The following LHFPL3 variants were observed in gnomAD, a reference collection of about 807,000 sequenced individuals.
LHFPL3 encodes the protein LHFPL tetraspan subfamily member 3 protein.
In LHFPL3, 5 loss-of-function variants were observed where a neutral mutation model predicts 19.3. The observed-to-expected ratio is 0.26, with a 90% CI of 0.14 to 0.54. The LOEUF is 0.54. Among genes scored for constraint, LHFPL3 ranks in the 20% least tolerant of loss-of-function variants. The pLI is 0.94. For synonymous variants in LHFPL3, 133 were observed against 126.2 expected, an observed-to-expected ratio of 1.05 and a Z score of -0.36; for missense variants, 249 against 307.4, an observed-to-expected ratio of 0.81 and a Z score of 1.42.
Position 104,668,678 on chromosome 7 carries a change from T to C in LHFPL3, c.446-67997T>C, listed in dbSNP as rs1016142237. On this transcript the variant is annotated intron_variant, in intron 1 of 2. Coordinates refer to ENST00000424859, the MANE Select transcript of LHFPL3 (RefSeq NM_199000.3). ...ATGATCGGTCGTGGAGCTCCAGAGATGATTACTCTCGGGATGATTATAGGC... is the reference window on the plus strand; with the variant it reads ...ATGATCGGTCGTGGAGCTCCAGAGACGATTACTCTCGGGATGATTATAGGC... The C allele has an allele frequency of 1.6e-5, 26 of 1,610,088 alleles. No individual in the cohort carries two copies. In the Middle Eastern group the frequency reaches 1.1e-3, roughly 69 times the overall value.
chr7:104,399,459 T>G lies in LHFPL3; in HGVS notation c.445+70235T>G, dbSNP rs1212370644. Among the ~76,000 whole-genome samples, 3 of 151,806 alleles carry G rather than the reference T, an allele frequency of 2.0e-5. No individual in the cohort carries two copies. Among genetic ancestry groups the G allele is most frequent in the Admixed American group, 6.6e-5 (1 of 15,224 alleles). On this transcript the variant is annotated intron_variant, in intron 1 of 2. Coordinates refer to ENST00000424859, the MANE Select transcript of LHFPL3 (RefSeq NM_199000.3). The surrounding 1 kb of genome is among the most constrained non-coding windows in gnomAD (Gnocchi z 4.4). ...TTTTTTTTGTTTTTTAGGTTTTTTT[T>G]GTTTGTTTGTTTGAGATGGAGTCTT...
At chr7:104,388,197 C>T (rs554775636) in intron 1 of LHFPL3, among the ~76,000 whole-genome samples, 31 of 152,166 alleles carry the variant, frequency 2.0e-4, no homozygotes, top group Admixed American at 5.9e-4. Flanking sequence ...TTGATAGGCA[C>T]CTAGATTGAT....
chr7:104,860,204 A>G (rs1056016462), intron 2 of LHFPL3, among the ~76,000 whole-genome samples: 1 of 151,372 alleles, frequency 6.6e-6, no homozygotes, highest in African/African-American at 2.4e-5. Flanking sequence ...ACACACACAC[A>G]CACGCATACC....
intron 1 of LHFPL3, among the ~76,000 whole-genome samples, chr7:104,336,197 A>G (rs1280824498): frequency 1.3e-5 from 2 of 152,178 alleles, no homozygotes; most frequent in Non-Finnish European, 2.9e-5. Flanking sequence ...TATTCTTAAT[A>G]ATAAAAAGAA....
At chr7:104,650,080 C>T (rs922072746) in intron 1 of LHFPL3, among the ~76,000 whole-genome samples, 1 of 152,162 alleles carries the variant, frequency 6.6e-6, no homozygotes, top group African/African-American at 2.4e-5. Context: ...AGAAGTGAGG[C>T]CCAATGGAAG....
intron 1 of LHFPL3, among the ~76,000 whole-genome samples, chr7:104,336,036 GTGA>G (rs997204944): frequency 1.1e-4 from 17 of 152,218 alleles, no homozygotes; most frequent in African/African-American, 4.1e-4. Flanking sequence ...GCTTAATCTC[GTGA>G]TAACTGGACT....
intron 1 of LHFPL3, among the ~76,000 whole-genome samples, chr7:104,514,202 G>GTC (rs1793876672): frequency 6.6e-6 from 1 of 151,636 alleles, no homozygotes; most frequent in Non-Finnish European, 1.5e-5. Flanking sequence ...CTCTTTCTTT[G>GTC]TCTCTCTCTC....
intron 1 of LHFPL3, among the ~76,000 whole-genome samples, chr7:104,497,865 T>C (rs1793516305): frequency 6.6e-6 from 1 of 152,174 alleles, no homozygotes; most frequent in African/African-American, 2.4e-5. Context: ...CACAGAGCCC[T>C]GACACCTGAG....
intron 1 of LHFPL3, among the ~76,000 whole-genome samples, chr7:104,618,013 A>G (rs1486228757): frequency 1.3e-5 from 2 of 152,144 alleles, no homozygotes; most frequent in Non-Finnish European, 2.9e-5. Context: ...CAGCCTCACA[A>G]TATCATCACT....
Position 104,480,815 on chromosome 7 carries a change from C to G in LHFPL3, c.445+151591C>G, listed in dbSNP as rs549735498. ...ATCTTGAATAACCCATGGGTAAAAT[C>G]AAGAATTTATATCAGTAGGTATTCG... On this transcript the variant is annotated intron_variant, in intron 1 of 2. Transcript: ENST00000424859. Among the ~76,000 whole-genome samples, 4 of 152,250 alleles carry G rather than the reference C, an allele frequency of 2.6e-5. No individual in the cohort carries two copies. The East Asian group carries it at 5.8e-4, about 22-fold the overall frequency.
intron 1 of LHFPL3, among the ~76,000 whole-genome samples, chr7:104,347,594 T>C (rs1425583895): frequency 1.3e-5 from 2 of 152,184 alleles, no homozygotes; most frequent in Non-Finnish European, 2.9e-5. Flanking sequence ...TTGCTTGTTA[T>C]TGAAAGTTTG....
At chr7:104,736,958 A>G (rs1402428533) in intron 2 of LHFPL3, 47 bp downstream of exon 2, 2 of 1,425,912 alleles carry the variant, frequency 1.4e-6, no homozygotes, top group East Asian at 4.9e-5. Flanking sequence ...CAAGCACAAA[A>G]AAATGGTGCT....
chr7:104,676,065 A>G (rs1338256275), intron 1 of LHFPL3, among the ~76,000 whole-genome samples: 1 of 152,242 alleles, frequency 6.6e-6, no homozygotes, highest in Non-Finnish European at 1.5e-5. Context: ...TCCAACCTTT[A>G]GAGTCCAATT....
chr7:104,742,254 T>G (rs1793949097), intron 2 of LHFPL3, among the ~76,000 whole-genome samples: 1 of 152,168 alleles, frequency 6.6e-6, no homozygotes, highest in Admixed American at 6.5e-5. Context: ...GTTTCTGCAT[T>G]TGTGTATATG....
intron 1 of LHFPL3, among the ~76,000 whole-genome samples, chr7:104,385,201 C>A (rs1005393720): frequency 2.6e-5 from 4 of 152,104 alleles, no homozygotes; most frequent in African/African-American, 9.7e-5. Flanking sequence ...TAGCCCAATA[C>A]CATTAAACAT....
intron 1 of LHFPL3, among the ~76,000 whole-genome samples, chr7:104,682,962 A>G (rs1409998392): frequency 6.6e-6 from 1 of 152,212 alleles, no homozygotes; most frequent in Non-Finnish European, 1.5e-5. Context: ...AAGCAAAAGT[A>G]GAATTACACT....
chr7:104,856,441 C>T (rs1196768553), intron 2 of LHFPL3, among the ~76,000 whole-genome samples: 1 of 151,584 alleles, frequency 6.6e-6, no homozygotes, highest in African/African-American at 2.4e-5. Flanking sequence ...GTAGAAACAG[C>T]GTTTCACCAT....
At chr7:104,376,436 G>A (rs927691564) in intron 1 of LHFPL3, among the ~76,000 whole-genome samples, 1 of 152,240 alleles carries the variant, frequency 6.6e-6, no homozygotes, top group Admixed American at 6.5e-5. Context: ...CCACAAGAAA[G>A]GAGATGCTAG....
chr7:104,773,326 T>C (rs1168625440), intron 2 of LHFPL3, among the ~76,000 whole-genome samples: 3 of 152,220 alleles, frequency 2.0e-5, no homozygotes, highest in Non-Finnish European at 4.4e-5. Flanking sequence ...TGTGCCTGGT[T>C]ACAGTCAGCT....
Sources: allele counts gnomAD v4.1 joint callset (sites outside exome capture counted in the v4.1 genomes callset), GRCh38; gene constraint gnomAD v4.1.1; non-coding constraint Gnocchi (gnomAD v3.1); transcripts MANE v1.5; gene names NCBI Gene and HGNC (gene_info 2026-07-23, HGNC 2026-07-21).